Variants in UCP2 observed in about 807,000 individuals in gnomAD.
UCP2 encodes the protein uncoupling protein 2.
In UCP2, 27 loss-of-function variants were observed where a neutral mutation model predicts 31.3. That is an observed-to-expected ratio of 0.86 (90% CI 0.64 to 1.19). The LOEUF (loss-of-function observed/expected upper bound fraction) is 1.19. UCP2 is among the 50% of genes most tolerant of loss of function. The pLI is 0.00. For synonymous variants in UCP2, 142 were observed against 157.4 expected, an observed-to-expected ratio of 0.90 and a Z score of 0.73; for missense variants, 377 against 413.5, an observed-to-expected ratio of 0.91 and a Z score of 0.76.
At chr11:73,975,859 T>C (rs944509154) in intron 6 of UCP2, among the ~76,000 whole-genome samples, 188 bp from the exon 7 acceptor site, 3 of 151,088 alleles carry the variant, frequency 2.0e-5, no homozygotes, top group Non-Finnish European at 4.4e-5. Flanking sequence ...AGCCCAGGAG[T>C]TCAAGACCAG....
At chr11:73,977,421 GT>G (rs1565183835) in intron 4 of UCP2, among the ~76,000 whole-genome samples, 1 of 152,186 alleles carries the variant, frequency 6.6e-6, no homozygotes, top group Admixed American at 6.5e-5. Flanking sequence ...TTCCTGCCAT[GT>G]GATCTGGGAA....
chr11:73,982,698 C>G (rs1161472745), intron 1 of UCP2, 23 bp downstream of exon 1: 1 of 152,454 alleles, frequency 6.6e-6, no homozygotes, highest in Non-Finnish European at 1.5e-5. Flanking sequence ...GCGCAAAGGG[C>G]GCAGGGCTGG....
chr11:73,976,665 G>A lies in UCP2; in HGVS notation c.610C>T (p.Leu204Phe), dbSNP rs1274489195. ...CCTGTCATGAGGTTGGCTTTCAGGA[G>A]GGCATCCTTGATGAGGTCATAGGTC... Reference protein sequence around the residue: ...LVTYDLIKDALLKANLMTDDL... With the variant: ...LVTYDLIKDAFLKANLMTDDL... Residue 204 changes from leucine (L) to phenylalanine (F), a missense_variant, in exon 6 of 8, where the codon CTC (leucine) becomes TTC (phenylalanine). Coordinates refer to ENST00000663595, the MANE Select transcript of UCP2 (RefSeq NM_003355.3). The A allele has an allele frequency of 1.9e-6, 3 of 1,613,996 alleles. No individual in the cohort carries two copies. Among genetic ancestry groups the A allele is most frequent in the African/African-American group, 2.7e-5 (2 of 74,916 alleles).
In UCP2 at chr11:73,975,518, T is replaced by C; in HGVS notation, c.788A>G (p.Lys263Arg). The change falls in exon 7 of 8, where the codon AAG (lysine) becomes AGG (arginine). Residue 263 changes from lysine to arginine, a missense_variant. Coordinates refer to ENST00000663595, the MANE Select transcript of UCP2 (RefSeq NM_003355.3). ...AGHCALTMLQ[K>R]EGPRAFYKGF... ...TTTGTAGAAGGCTCGGGGCCCCTCC[T>C]TCTGGAGCATGGTAAGGGCACAGTG... The C allele has an allele frequency of 1.2e-6, 2 of 1,612,138 alleles. No homozygotes were observed. The highest frequency in any genetic ancestry group is 1.7e-6 in the Non-Finnish European group (2 of 1,178,704).
intron 2 of UCP2, 133 bp from the exon 3 acceptor site, chr11:73,978,610 C>T (rs1033903456): frequency 8.9e-6 from 5 of 561,800 alleles, no homozygotes; most frequent in Non-Finnish European, 1.6e-5. Context: ...GAGGGAAAAC[C>T]GATGTGAGCT....
At position 73,978,332 on chromosome 11, in the gene UCP2, T is replaced by C. The variant is rs771130610; in HGVS notation, c.47A>G (p.Lys16Arg). The C allele has an allele frequency of 1.9e-6, 3 of 1,614,024 alleles. No homozygotes were observed. Among genetic ancestry groups the C allele is most frequent in the Non-Finnish European group, 2.5e-6 (3 of 1,180,024 alleles). ...ATDVPPTATV[K>R]FLGAGTAACI... is the part of the protein sequence containing the mutation. ...GGCAGCTGTGCCAGCCCCAAGAAAC[T>C]TCACAGTGGCAGTAGGGGGCACATC... Residue 16 changes from lysine (K) to arginine (R), a missense_variant, in exon 3 of 8, where the codon AAG becomes AGG. Coordinates refer to ENST00000663595, the MANE Select transcript of UCP2 (RefSeq NM_003355.3).
chr11:73,982,845 G>GGCTTCGCGGTGT (rs1565185588), upstream of UCP2: 2 of 152,300 alleles, frequency 1.3e-5, no homozygotes, highest in African/African-American at 4.8e-5. Context: ...CTTCGCAGTG[G>GGCTTCGCGGTGT]GGCTCCGCGC....
At chr11:73,976,352 AAAAC>A (rs1160283856) in intron 6 of UCP2, among the ~76,000 whole-genome samples, 1 of 152,300 alleles carries the variant, frequency 6.6e-6, no homozygotes, top group African/African-American at 2.4e-5. Flanking sequence ...TATCTCAAAA[AAAAC>A]AAAAAACAAA....
At chr11:73,977,293 A>C (rs1041324787) in intron 4 of UCP2, among the ~76,000 whole-genome samples, 1 of 152,220 alleles carries the variant, frequency 6.6e-6, no homozygotes, top group African/African-American at 2.4e-5. Context: ...CCTGCTCAAC[A>C]GCCCTGAGAA....
At position 73,975,500 on chromosome 11, in the gene UCP2, A is replaced by G. The variant is rs755815563; in HGVS notation, c.806T>C (p.Phe269Ser). 3.1e-6 allele frequency: 5 copies of G among 1,609,792 alleles called. No homozygotes were observed. In the African/African-American group the frequency reaches 5.3e-5, roughly 17 times the overall value. The change falls in exon 7 of 8, where the codon TTC becomes TCC. Residue 269 changes from phenylalanine to serine, a missense_variant. Phe to Ser is a radical substitution (Grantham distance 155). Transcript: ENST00000663595. ...AGGACCAGAGGCTCACCCTTTGTAGAAGGCTCGGGGCCCCTCCTTCTGGAG... is the reference window on the plus strand; with the variant it reads ...AGGACCAGAGGCTCACCCTTTGTAGGAGGCTCGGGGCCCCTCCTTCTGGAG... ...TMLQKEGPRA[F>S]YKGFMPSFLR...
chr11:73,975,592 GACC>G lies in UCP2; in HGVS notation c.711_713del (p.Val238del), dbSNP rs764530013. 1.9e-6 allele frequency: 3 copies of G among 1,614,192 alleles called. No homozygotes were observed. In the South Asian group the frequency reaches 3.3e-5, roughly 18 times the overall value. ...GGGCAGAGTTCATGTATCTCGTCTT[GACC>G]ACGTCTACAGGGGAGGCGATGACAG... is the stretch of plus-strand genomic sequence containing the variant. On this transcript the variant is annotated inframe_deletion, in exon 7 of 8. Transcript: ENST00000663595.
chr11:73,979,577 A>C (rs1364634602), intron 2 of UCP2, among the ~76,000 whole-genome samples: 1 of 152,196 alleles, frequency 6.6e-6, no homozygotes, highest in African/African-American at 2.4e-5. Flanking sequence ...AAAAAAACCT[A>C]GCACTTTGGG....
chr11:73,975,801 C>A (rs568431400), intron 6 of UCP2, 130 bp from the exon 7 acceptor site: 2 of 1,175,472 alleles, frequency 1.7e-6, no homozygotes, highest in East Asian at 5.1e-5. Flanking sequence ...ATGTCTCATG[C>A]CTGTAATCCA....
At position 73,975,385 on chromosome 11, in the gene UCP2, AAT is replaced by A. The variant is rs1162175485; in HGVS notation, c.815+104_815+105del. 4.6e-5 allele frequency: 62 copies of A among 1,345,106 alleles called. No individual in the cohort carries two copies. The African/African-American group carries it at 8.3e-4, about 18-fold the overall frequency. The allele number at this position is 1,345,106 out of a possible 1,614,324, so 83.3% of individuals were successfully genotyped here. A position where few individuals can be genotyped will look rare whatever the true frequency, so the allele number is the denominator to read the frequency against. On this transcript the variant is annotated intron_variant, in intron 7 of 7. Coordinates refer to ENST00000663595, the MANE Select transcript of UCP2 (RefSeq NM_003355.3). The stretch of plus-strand genomic sequence containing the variant: ...GTGAAATGCCAGGACCAGGATCAGA[AAT>A]AGTCACACTTGGCTGCTACTCACTT...
At chr11:73,977,447 C>T (rs2735572) in intron 4 of UCP2, among the ~76,000 whole-genome samples, 8,916 of 152,176 alleles carry the variant, frequency 0.059, 321 homozygotes, top group Middle Eastern at 0.092. Context: ...AACCTTTTGT[C>T]TGGGGCTCTG....
chr11:73,978,381 T>G lies in UCP2; in HGVS notation c.-3A>C. 1.2e-6 allele frequency: 2 copies of G among 1,614,146 alleles called. No individual in the cohort carries two copies. Among genetic ancestry groups the G allele is most frequent in the Non-Finnish European group, 1.7e-6 (2 of 1,180,016 alleles). On this transcript the variant is annotated 5_prime_UTR_variant, in exon 3 of 8. Coordinates refer to ENST00000663595, the MANE Select transcript of UCP2 (RefSeq NM_003355.3). ...TCTGTGGCCTTGAACCCAACCATGATGCTGATTTCCTGCTACGTCCCAGGA... is the reference window on the plus strand; with the variant it reads ...TCTGTGGCCTTGAACCCAACCATGAGGCTGATTTCCTGCTACGTCCCAGGA...
intron 4 of UCP2, 118 bp from the exon 5 acceptor site, chr11:73,977,135 A>G: frequency 8.8e-7 from 1 of 1,131,842 alleles, no homozygotes; most frequent in African/African-American, 1.6e-5. Context: ...AGAATCCAGA[A>G]GCTTTTGGCC....
chr11:73,978,438 T>C lies in UCP2; in HGVS notation c.-60A>G. On this transcript the variant is annotated 5_prime_UTR_variant, in exon 3 of 8. Coordinates refer to ENST00000663595, the MANE Select transcript of UCP2 (RefSeq NM_003355.3). ...GAAAAACTGGAGACAGGGGCACCTT[T>C]AATCAGCAACAAGACGAGATAGAGG... The C allele has an allele frequency of 6.2e-7, 1 of 1,610,162 alleles. No homozygotes were observed. Among genetic ancestry groups the C allele is most frequent in the Non-Finnish European group, 8.5e-7 (1 of 1,178,148 alleles).
intron 2 of UCP2, chr11:73,981,148 A>T (rs1411890967): frequency 1.3e-5 from 2 of 152,250 alleles, no homozygotes; most frequent in African/African-American, 4.8e-5. Flanking sequence ...GATAGTCAAA[A>T]GCTAGCATCA....
Sources: gnomAD v4.1 joint callset for allele counts (sites outside exome capture counted in the v4.1 genomes callset) on GRCh38, gnomAD v4.1.1 for gene constraint, MANE v1.5 for transcripts, NCBI Gene and HGNC (gene_info 2026-07-23, HGNC 2026-07-21) for gene names.